SCG2: variants seen among roughly 807,000 people sequenced by gnomAD.
The protein encoded by SCG2 is secretogranin-2.
Under a neutral mutation model 49.5 loss-of-function variants are expected in SCG2, and 23 were observed. That is an observed-to-expected ratio of 0.46 (90% CI 0.33 to 0.66). SCG2 has a LOEUF of 0.66. SCG2 is among the 30% of genes least tolerant of loss of function. SCG2 has a pLI of 0.01. For synonymous variants in SCG2, 288 were observed against 260.4 expected (o/e 1.11, Z -1.02); for missense variants, 730 against 728.2 (o/e 1.00, Z -0.03).
chr2:223,601,805 G>GA (rs948296370), intron 1 of SCG2, among the ~76,000 whole-genome samples: 6 of 151,812 alleles, frequency 4.0e-5, no homozygotes, highest in African/African-American at 1.5e-4. Context: ...AAATATCAAA[G>GA]AAAAAAAACC....
At position 223,597,355 on chromosome 2, in the gene SCG2, C is replaced by T; in HGVS notation, c.*74G>A. ...ATTACAGTGTTAACAGGATAGAAGT[C>T]AACACACTGAAGAGAAATGTTGGGA... On this transcript the variant is annotated 3_prime_UTR_variant, in exon 2 of 2. Coordinates refer to ENST00000305409, the MANE Select transcript of SCG2 (RefSeq NM_003469.5). 6.0e-6 allele frequency: 9 copies of T among 1,506,280 alleles called. No individual in the cohort carries two copies. The highest frequency in any genetic ancestry group is 8.0e-6 in the Non-Finnish European group (9 of 1,120,904). 93.3% of individuals were successfully genotyped at this position (1,506,280 alleles called of 1,614,324 possible). A position where few individuals can be genotyped will look rare whatever the true frequency, so the allele number is the denominator to read the frequency against.
rs1246124133 is a variant in SCG2 at position 223,597,847 on chromosome 2, G to A, written c.1436C>T (p.Pro479Leu). The change falls in exon 2 of 2, where the codon CCC (proline) becomes CTC (leucine). Residue 479 changes from proline (P) to leucine (L), a missense_variant. By Grantham distance (98) the Pro-to-Leu change is moderately conservative. Transcript: ENST00000305409. ...AACATGTGGAATCCAGGCAGCTTTGGGAAGCTGGTTCGATCTAGATCTTCC... is the reference window on the plus strand; with the variant it reads ...AACATGTGGAATCCAGGCAGCTTTGAGAAGCTGGTTCGATCTAGATCTTCC... Reference protein sequence around the residue: ...GAGRSRSNQLPKAAWIPHVEN... With the variant: ...GAGRSRSNQLLKAAWIPHVEN... 1 of 1,613,984 alleles carries A rather than the reference G, an allele frequency of 6.2e-7. No homozygotes were observed. The highest frequency in any genetic ancestry group is 8.5e-7 in the Non-Finnish European group (1 of 1,180,044).
Position 223,597,732 on chromosome 2 carries a change from C to A in SCG2, c.1551G>T (p.Glu517Asp). ...YLARMLVKYP[E>D]IINSNQVKRV... ...GCTTCACTTGGTTTGAATTAATGAT[C>A]TCAGGGTATTTAACTAGCATCCTGG... is the stretch of plus-strand genomic sequence containing the variant. The change falls in exon 2 of 2, where the codon GAG becomes GAT. Residue 517 changes from glutamate to aspartate, a missense_variant. Glu to Asp is a conservative substitution (Grantham distance 45). Coordinates refer to ENST00000305409, the MANE Select transcript of SCG2 (RefSeq NM_003469.5). 1 of 1,614,112 alleles carries A rather than the reference C, an allele frequency of 6.2e-7. No individual in the cohort carries two copies. Among genetic ancestry groups the A allele is most frequent in the Non-Finnish European group, 8.5e-7 (1 of 1,180,016 alleles).
chr2:223,598,065 T>A lies in SCG2; in HGVS notation c.1218A>T (p.Gln406His), dbSNP rs1214998561. The change falls in exon 2 of 2, where the codon CAA (glutamine) becomes CAT (histidine). Residue 406 changes from glutamine to histidine, a missense_variant. Coordinates refer to ENST00000305409, the MANE Select transcript of SCG2 (RefSeq NM_003469.5). ...AGCCACTCTTGGAGAGCATCCTATT[T>A]TGGAACAGGTCTGGATGGTCTAAGT... ...EADLDHPDLF[Q>H]NRMLSKSGYP... The A allele has an allele frequency of 6.2e-7, 1 of 1,604,980 alleles. No individual in the cohort carries two copies. The highest frequency in any genetic ancestry group is 8.5e-7 in the Non-Finnish European group (1 of 1,175,598).
chr2:223,600,569 A>G (rs1401658995), intron 1 of SCG2, among the ~76,000 whole-genome samples: 1 of 152,114 alleles, frequency 6.6e-6, no homozygotes. Flanking sequence ...TCATATCTTT[A>G]CCAGATCATG....
In SCG2 at chr2:223,597,246, T is replaced by G. The variant is rs1198630075; in HGVS notation, c.*183A>C. ...CAAGGAGTCATAACATTTACACATA[T>G]CCATACACAAGATAACAGCTCAGAG... On this transcript the variant is annotated 3_prime_UTR_variant, in exon 2 of 2. Transcript: ENST00000305409. 1 of 616,774 alleles carries G rather than the reference T, an allele frequency of 1.6e-6. No homozygotes were observed. The highest frequency in any genetic ancestry group is 1.8e-5 in the African/African-American group (1 of 54,424). The allele number at this position is 616,774 out of a possible 1,614,324, so 38.2% of individuals were successfully genotyped here.
chr2:223,597,294 G>A lies in SCG2; in HGVS notation c.*135C>T, dbSNP rs571839660. On this transcript the variant is annotated 3_prime_UTR_variant, in exon 2 of 2. Coordinates refer to ENST00000305409, the MANE Select transcript of SCG2 (RefSeq NM_003469.5). ...GAGGAAATGAAGCAGACTCCCCAGT[G>A]ACCTGGTTTCATCTGCCTGTACATC... 1 of 1,123,488 alleles carries A rather than the reference G, an allele frequency of 8.9e-7. No individual in the cohort carries two copies. The highest frequency in any genetic ancestry group is 2.5e-5 in the East Asian group (1 of 40,742). The allele number at this position is 1,123,488 out of a possible 1,614,324, so 69.6% of individuals were successfully genotyped here.
At position 223,599,140 on chromosome 2, in the gene SCG2, T is replaced by A. The variant is rs376903779; in HGVS notation, c.143A>T (p.Gln48Leu). 1 of 1,614,016 alleles carries A rather than the reference T, an allele frequency of 6.2e-7. No homozygotes were observed. Among genetic ancestry groups the A allele is most frequent in the South Asian group, 1.1e-5 (1 of 91,078 alleles). ...GATCATTTCAGGACTGGGAAACTTTTGGACATTTTCCAACCTGAGGTCTGG... is the reference window on the plus strand; with the variant it reads ...GATCATTTCAGGACTGGGAAACTTTAGGACATTTTCCAACCTGAGGTCTGG... ...KEPDLRLENV[Q>L]KFPSPEMIRA... Residue 48 changes from glutamine to leucine, a missense_variant, in exon 2 of 2, where the codon CAA becomes CTA. Physicochemically the swap from Gln to Leu is moderately radical, Grantham distance 113 (BLOSUM62 -2). Transcript: ENST00000305409.
Position 223,597,195 on chromosome 2 carries a change from A to T in SCG2, c.*234T>A. On this transcript the variant is annotated 3_prime_UTR_variant, in exon 2 of 2. Transcript: ENST00000305409. ...AACACAGTCATAGATATCTTTCTTG[A>T]ATAATGGACATAATAAATTTTTTAT... 1 of 403,708 alleles carries T rather than the reference A, an allele frequency of 2.5e-6. No individual in the cohort carries two copies. Among genetic ancestry groups the T allele is most frequent in the East Asian group, 3.8e-5 (1 of 26,294 alleles). The allele number at this position is 403,708 out of a possible 1,614,324, so 25.0% of individuals were successfully genotyped here.
Position 223,598,711 on chromosome 2 carries a change from G to A in SCG2, c.572C>T (p.Thr191Ile), listed in dbSNP as rs778618069. 1 of 1,613,678 alleles carries A rather than the reference G, an allele frequency of 6.2e-7. No individual in the cohort carries two copies. Among genetic ancestry groups the A allele is most frequent in the Non-Finnish European group, 8.5e-7 (1 of 1,180,040 alleles). ...TTCCAATGTAGCAAGGCTTTGAGGA[G>A]TATATTGTTCCTCCACTATTTCATT... ...RTNEIVEEQYTPQSLATLESV... is the reference protein window; with the variant it reads ...RTNEIVEEQYIPQSLATLESV... The change falls in exon 2 of 2, where the codon ACT becomes ATT. Residue 191 changes from threonine to isoleucine, a missense_variant. Coordinates refer to ENST00000305409, the MANE Select transcript of SCG2 (RefSeq NM_003469.5).
In SCG2 at chr2:223,597,366, A is replaced by C; in HGVS notation, c.*63T>G. 5 of 1,525,472 alleles carry C rather than the reference A, an allele frequency of 3.3e-6. No homozygotes were observed. Among genetic ancestry groups the C allele is most frequent in the East Asian group, 2.3e-5 (1 of 44,196 alleles). The allele number at this position is 1,525,472 out of a possible 1,614,324, so 94.5% of individuals were successfully genotyped here. A position where few individuals can be genotyped will look rare whatever the true frequency, so the allele number is the denominator to read the frequency against. On this transcript the variant is annotated 3_prime_UTR_variant, in exon 2 of 2. Coordinates refer to ENST00000305409, the MANE Select transcript of SCG2 (RefSeq NM_003469.5). ...AACAGGATAGAAGTCAACACACTGA[A>C]GAGAAATGTTGGGATTTGCTTGGGG...
Position 223,597,814 on chromosome 2 carries a change from C to G in SCG2, c.1469G>C (p.Arg490Thr). The change falls in exon 2 of 2, where the codon AGA becomes ACA. Residue 490 changes from arginine (R) to threonine (T), a missense_variant. Coordinates refer to ENST00000305409, the MANE Select transcript of SCG2 (RefSeq NM_003469.5). ...KAAWIPHVEN[R>T]QMAYENLNDK... The stretch of plus-strand genomic sequence containing the variant: ...GTTCAGGTTTTCATATGCCATCTGT[C>G]TGTTTTCAACATGTGGAATCCAGGC... The G allele has an allele frequency of 6.2e-7, 1 of 1,614,162 alleles. No individual in the cohort carries two copies. Among genetic ancestry groups the G allele is most frequent in the Non-Finnish European group, 8.5e-7 (1 of 1,180,042 alleles).
At chr2:223,600,730 T>C (rs1049776739) in intron 1 of SCG2, among the ~76,000 whole-genome samples, 1 of 152,152 alleles carries the variant, frequency 6.6e-6, no homozygotes, top group African/African-American at 2.4e-5. Context: ...GAAAACATTT[T>C]AGCATACGTA....
chr2:223,597,979 T>C lies in SCG2; in HGVS notation c.1304A>G (p.Asp435Gly), dbSNP rs771349721. 4 of 1,614,112 alleles carry C rather than the reference T, an allele frequency of 2.5e-6. No individual in the cohort carries two copies. The highest frequency in any genetic ancestry group is 3.4e-6 in the Non-Finnish European group (4 of 1,180,024). Residue 435 changes from aspartate (D) to glycine (G), a missense_variant, in exon 2 of 2, where the codon GAT (aspartate) becomes GGT (glycine). By Grantham distance (94) the Asp-to-Gly change is moderately conservative. Coordinates refer to ENST00000305409, the MANE Select transcript of SCG2 (RefSeq NM_003469.5). ...CTCCATCCCTAAAAGATTTAAAATA[T>C]CCTCAACACTGAGCCCGTCTGGTAG... Reference protein sequence around the residue: ...EALPDGLSVEDILNLLGMESA... With the variant: ...EALPDGLSVEGILNLLGMESA...
chr2:223,597,856 T>A lies in SCG2; in HGVS notation c.1427A>T (p.Asn476Ile), dbSNP rs1272982484. ...AATCCAGGCAGCTTTGGGAAGCTGG[T>A]TCGATCTAGATCTTCCAGCACCATA... ...LPYGAGRSRS[N>I]QLPKAAWIPH... The change falls in exon 2 of 2, where the codon AAC (asparagine) becomes ATC (isoleucine). Residue 476 changes from asparagine (N) to isoleucine (I), a missense_variant. Physicochemically the swap from Asn to Ile is moderately radical, Grantham distance 149. Coordinates refer to ENST00000305409, the MANE Select transcript of SCG2 (RefSeq NM_003469.5). The A allele has an allele frequency of 6.2e-7, 1 of 1,614,092 alleles. No individual in the cohort carries two copies. Among genetic ancestry groups the A allele is most frequent in the Non-Finnish European group, 8.5e-7 (1 of 1,180,032 alleles).
chr2:223,598,647 G>T lies in SCG2; in HGVS notation c.636C>A (p.Asn212Lys), dbSNP rs1337568561. 1 of 1,614,060 alleles carries T rather than the reference G, an allele frequency of 6.2e-7. No homozygotes were observed. Residue 212 changes from asparagine (N) to lysine (K), a missense_variant, in exon 2 of 2, where the codon AAC (asparagine) becomes AAA (lysine). Transcript: ENST00000305409. ...CATCCATCCTCTCACGTTTCTGGTT[G>T]TTTGGTCCTGTCAGTTTCCCCAGCT... is the stretch of plus-strand genomic sequence containing the variant. Reference protein sequence around the residue: ...FQELGKLTGPNNQKRERMDEE... With the variant: ...FQELGKLTGPKNQKRERMDEE...
In SCG2 at chr2:223,597,298, T is replaced by C; in HGVS notation, c.*131A>G. The C allele has an allele frequency of 8.5e-7, 1 of 1,172,076 alleles. No homozygotes were observed. Among genetic ancestry groups the C allele is most frequent in the Non-Finnish European group, 1.2e-6 (1 of 848,962 alleles). 72.6% of individuals were successfully genotyped at this position (1,172,076 alleles called of 1,614,324 possible). ...AAATGAAGCAGACTCCCCAGTGACC[T>C]GGTTTCATCTGCCTGTACATCATTT... On this transcript the variant is annotated 3_prime_UTR_variant, in exon 2 of 2. Transcript: ENST00000305409.
At chr2:223,601,483 C>T (rs1270342882) in intron 1 of SCG2, among the ~76,000 whole-genome samples, 1 of 152,128 alleles carries the variant, frequency 6.6e-6, no homozygotes, top group African/African-American at 2.4e-5. Context: ...ATACTTGTCC[C>T]AGACAAAATC....
chr2:223,601,716 T>C (rs1197168814), intron 1 of SCG2, among the ~76,000 whole-genome samples: 1 of 152,174 alleles, frequency 6.6e-6, no homozygotes, highest in Admixed American at 6.5e-5. Context: ...AATTAGGAGA[T>C]AATAATGTAA....
Sources: allele counts gnomAD v4.1 joint callset (sites outside exome capture counted in the v4.1 genomes callset), GRCh38; gene constraint gnomAD v4.1.1; transcripts MANE v1.5; gene names NCBI Gene and HGNC (gene_info 2026-07-23, HGNC 2026-07-21).